Variants in MGAT4C observed in about 807,000 individuals in gnomAD.
The protein encoded by MGAT4C is alpha-1,3-mannosyl-glycoprotein 4-beta-N-acetylglucosaminyltransferase C.
Under a neutral mutation model 40.1 loss-of-function variants are expected in MGAT4C, and 19 were observed. The ratio of observed to expected loss-of-function variants is 0.47; its 90% confidence interval spans 0.33 to 0.70. The LOEUF (loss-of-function observed/expected upper bound fraction) is 0.70. Ranked by LOEUF, MGAT4C falls within the 30% of genes least tolerant of loss-of-function variation. MGAT4C has a pLI of 0.02. For synonymous variants in MGAT4C, 181 were observed against 187.1 expected (o/e 0.97, Z 0.27); for missense variants, 491 against 563.2 (o/e 0.87, Z 1.30).
At chr12:86,494,284 A>G (rs1006228490) in intron 2 of MGAT4C, among the ~76,000 whole-genome samples, 1 of 151,986 alleles carries the variant, frequency 6.6e-6, no homozygotes, top group Admixed American at 6.6e-5. Flanking sequence ...TTTATATCAC[A>G]TTATTAAAAA....
chr12:86,054,477 A>G (rs1279430564), intron 1 of MGAT4C, among the ~76,000 whole-genome samples: 2 of 152,006 alleles, frequency 1.3e-5, no homozygotes, highest in South Asian at 2.1e-4. Context: ...TTTCAATTAG[A>G]TAGGTGAAAT....
At chr12:86,508,901 G>A (rs1258661252) in intron 2 of MGAT4C, among the ~76,000 whole-genome samples, 2 of 150,056 alleles carry the variant, frequency 1.3e-5, no homozygotes, top group East Asian at 3.9e-4. Flanking sequence ...CTTTTTGATG[G>A]GGTTGTTTGT....
At chr12:86,342,675 G>C (rs144438563) in intron 3 of MGAT4C, among the ~76,000 whole-genome samples, 1 of 152,104 alleles carries the variant, frequency 6.6e-6, no homozygotes, top group African/African-American at 2.4e-5. Flanking sequence ...TCCTGATCTC[G>C]TGATCCGCCC....
chr12:86,819,450 C>A (rs999557383), intron 1 of MGAT4C, among the ~76,000 whole-genome samples: 26 of 150,798 alleles, frequency 1.7e-4, no homozygotes, highest in African/African-American at 4.8e-4. Context: ...TTTATTCTTT[C>A]TCTAGAAACT....
At chr12:86,063,055 C>G (rs1336293859) in intron 1 of MGAT4C, among the ~76,000 whole-genome samples, 1 of 152,052 alleles carries the variant, frequency 6.6e-6, no homozygotes, top group African/African-American at 2.4e-5. Flanking sequence ...AGAAGAGCAA[C>G]CCCAAGACAC....
chr12:86,190,422 A>G (rs545154127), intron 1 of MGAT4C, among the ~76,000 whole-genome samples: 1 of 152,302 alleles, frequency 6.6e-6, no homozygotes, highest in East Asian at 1.9e-4. Context: ...TCAAGTAACA[A>G]TAATAACCAT....
intron 1 of MGAT4C, among the ~76,000 whole-genome samples, chr12:86,210,272 G>C (rs1446578706): frequency 1.3e-5 from 2 of 152,060 alleles, no homozygotes; most frequent in Non-Finnish European, 2.9e-5. Flanking sequence ...AAAATAAGTG[G>C]ATTCACCTTG....
At chr12:86,330,908 G>A (rs762506011) in intron 4 of MGAT4C, among the ~76,000 whole-genome samples, 8 of 152,146 alleles carry the variant, frequency 5.3e-5, no homozygotes, top group Non-Finnish European at 1.2e-4. Flanking sequence ...TACTTCAGCA[G>A]AGTCTGAGAA....
intron 3 of MGAT4C, among the ~76,000 whole-genome samples, chr12:86,351,787 C>T (rs754831846): frequency 1.6e-4 from 24 of 152,058 alleles, no homozygotes; most frequent in Non-Finnish European, 3.1e-4. Context: ...AAGATCCTAA[C>T]GACTATAGTT....
At chr12:86,126,032 G>A (rs913932265) in intron 1 of MGAT4C, among the ~76,000 whole-genome samples, 10 of 151,794 alleles carry the variant, frequency 6.6e-5, no homozygotes, top group African/African-American at 2.4e-4. Context: ...CTAGTTATTA[G>A]TATACAGGAA....
At chr12:86,467,722 T>C (rs1165176585) in intron 2 of MGAT4C, among the ~76,000 whole-genome samples, 1 of 152,134 alleles carries the variant, frequency 6.6e-6, no homozygotes, top group Non-Finnish European at 1.5e-5. Flanking sequence ...AAATGAGCTT[T>C]CTCTGAAAAC....
At chr12:86,118,750 G>C (rs1592988939) in intron 1 of MGAT4C, among the ~76,000 whole-genome samples, 1 of 152,162 alleles carries the variant, frequency 6.6e-6, no homozygotes, top group South Asian at 2.1e-4. Flanking sequence ...AGATCACTAT[G>C]AGCTATTGTA....
rs1398189116 is a variant in MGAT4C, at chr12:86,145,531, T to C, written c.-56-95808A>G. Among the ~76,000 whole-genome samples, 5 of 152,192 alleles carry C rather than the reference T, an allele frequency of 3.3e-5. No individual in the cohort carries two copies. The East Asian group carries it at 5.8e-4, about 18-fold the overall frequency. ...TAGACCTAATTATATTTTTATGTTG[T>C]GAAAACATCCATGTGCCTGAGATAA... On this transcript the variant is annotated intron_variant, in intron 1 of 4. Coordinates refer to ENST00000611864, the MANE Select transcript of MGAT4C (RefSeq NM_001351288.2).
intron 3 of MGAT4C, among the ~76,000 whole-genome samples, chr12:86,424,410 A>G (rs1044701622): frequency 1.3e-5 from 2 of 152,190 alleles, no homozygotes; most frequent in Admixed American, 6.5e-5. Context: ...AGCCTGAAAT[A>G]AAATTTCTTA....
At chr12:86,685,575 A>G (rs1383537851) in intron 2 of MGAT4C, among the ~76,000 whole-genome samples, 1 of 152,122 alleles carries the variant, frequency 6.6e-6, no homozygotes, top group Non-Finnish European at 1.5e-5. Flanking sequence ...AAGAAAGTCA[A>G]TGGTAGCTTG....
intron 4 of MGAT4C, among the ~76,000 whole-genome samples, chr12:86,286,631 C>T (rs1332223354): frequency 6.6e-6 from 1 of 151,862 alleles, no homozygotes; most frequent in Admixed American, 6.6e-5. Flanking sequence ...TGCAGGTGTG[C>T]TATATTGGTA....
chr12:86,091,213 A>G (rs1872820034), intron 1 of MGAT4C, among the ~76,000 whole-genome samples: 1 of 152,028 alleles, frequency 6.6e-6, no homozygotes, highest in Admixed American at 6.6e-5. Context: ...TTAGGAAGGA[A>G]AGAATAAAAG....
chr12:86,553,603 ATT>A (rs1959468446), intron 2 of MGAT4C, among the ~76,000 whole-genome samples: 1 of 152,038 alleles, frequency 6.6e-6, no homozygotes, highest in Non-Finnish European at 1.5e-5. Flanking sequence ...CCCTCCAATC[ATT>A]TGTTTTACCT....
intron 1 of MGAT4C, among the ~76,000 whole-genome samples, chr12:86,744,138 G>C (rs1593168305): frequency 1.3e-5 from 2 of 151,644 alleles, no homozygotes; most frequent in South Asian, 4.1e-4. Context: ...CTACAAGAGA[G>C]TACTGCTCCA....
Sources: allele counts gnomAD v4.1 joint callset (sites outside exome capture counted in the v4.1 genomes callset), GRCh38; gene constraint gnomAD v4.1.1; transcripts MANE v1.5; gene names NCBI Gene and HGNC (gene_info 2026-07-23, HGNC 2026-07-21).